The following ARHGAP26 variants were observed in gnomAD, a reference collection of about 807,000 sequenced individuals.
ARHGAP26 encodes Rho GTPase activating protein 26, also known as rho GTPase-activating protein 26.
ARHGAP26 carries 38 observed loss-of-function variants against 104.8 expected under a neutral mutation model. The observed-to-expected ratio is 0.36, with a 90% confidence interval of 0.28 to 0.48. ARHGAP26 has a LOEUF of 0.48. ARHGAP26 is among the 20% of genes least tolerant of loss of function. The pLI is 0.99. For synonymous variants in ARHGAP26, 341 were observed against 340.0 expected (o/e 1.00, Z -0.03); for missense variants, 704 against 947.9 (o/e 0.74, Z 3.38).
At chr5:142,899,036 T>C (rs1304936754) in intron 6 of ARHGAP26, among the ~76,000 whole-genome samples, 1 of 152,228 alleles carries the variant, frequency 6.6e-6, no homozygotes, top group Non-Finnish European at 1.5e-5. Context: ...CTTGTGATCA[T>C]GTTTGGCATT....
intron 1 of ARHGAP26, among the ~76,000 whole-genome samples, chr5:142,856,165 A>T (rs563090941): frequency 2.0e-5 from 3 of 152,256 alleles, no homozygotes; most frequent in Non-Finnish European, 2.9e-5. Context: ...GGAGCTGCCC[A>T]TACTGAGCAA....
intron 12 of ARHGAP26, among the ~76,000 whole-genome samples, chr5:143,030,604 A>AC (rs1451384484): frequency 2.0e-5 from 3 of 152,160 alleles, no homozygotes; most frequent in African/African-American, 7.2e-5. Context: ...ATCATCACAA[A>AC]AAAAATGAGA....
intron 10 of ARHGAP26, among the ~76,000 whole-genome samples, chr5:142,915,120 C>T (rs150359604): frequency 6.6e-6 from 1 of 152,310 alleles, no homozygotes; most frequent in East Asian, 1.9e-4. Flanking sequence ...TTAAAGCTCA[C>T]TGTGGCACCT....
chr5:143,003,241 G>C (rs1204823375), intron 11 of ARHGAP26, among the ~76,000 whole-genome samples: 1 of 152,182 alleles, frequency 6.6e-6, no homozygotes, highest in Non-Finnish European at 1.5e-5. Flanking sequence ...ACATGCTCCA[G>C]GAGGAGCTGT....
At chr5:142,959,887 A>C (rs893089202) in intron 11 of ARHGAP26, among the ~76,000 whole-genome samples, 1 of 152,222 alleles carries the variant, frequency 6.6e-6, no homozygotes. Context: ...CTGGTGGCCA[A>C]ACTTTGGACA....
At chr5:143,160,475 G>GTT (rs11422894) in intron 20 of ARHGAP26, among the ~76,000 whole-genome samples, 34 of 149,756 alleles carry the variant, frequency 2.3e-4, no homozygotes, top group African/African-American at 5.2e-4. Flanking sequence ...GCTTTTGGTG[G>GTT]TTTTTTTTTC....
intron 3 of ARHGAP26, 134 bp downstream of exon 3, chr5:142,875,305 T>C: frequency 2.4e-6 from 2 of 844,408 alleles, no homozygotes; most frequent in Non-Finnish European, 3.8e-6. Flanking sequence ...GCAAGCCTCA[T>C]CTTTGTAGAG....
chr5:142,797,711 G>A (rs528533915), intron 1 of ARHGAP26, among the ~76,000 whole-genome samples: 8 of 152,264 alleles, frequency 5.3e-5, no homozygotes, highest in East Asian at 1.9e-4. Context: ...CAGGTATTTC[G>A]GTTTTGCAGC....
chr5:143,200,606 G>A (rs1479582009), intron 20 of ARHGAP26, among the ~76,000 whole-genome samples: 1 of 150,650 alleles, frequency 6.6e-6, no homozygotes, highest in African/African-American at 2.4e-5. Flanking sequence ...CCAAAAAAAA[G>A]CGAGGAGAAA....
Position 143,193,681 on chromosome 5 carries a change from G to A in ARHGAP26, c.1989-13517G>A, listed in dbSNP as rs538654973. Among the ~76,000 whole-genome samples, 50 of 152,256 alleles carry A rather than the reference G, an allele frequency of 3.3e-4. 1 individual carries two copies. In the Middle Eastern group the frequency reaches 0.017, roughly 52 times the overall value. ...GCTTCCTGTAAGTGAAAAGGTGAAA[G>A]TTACTGACTTAAGGAAGGGAAAATA... is the stretch of plus-strand genomic sequence containing the variant. On this transcript the variant is annotated intron_variant, in intron 20 of 22. Transcript: ENST00000645722.
intron 11 of ARHGAP26, among the ~76,000 whole-genome samples, chr5:142,997,872 A>T (rs1282811736): frequency 6.6e-6 from 1 of 152,172 alleles, no homozygotes; most frequent in Non-Finnish European, 1.5e-5. Context: ...GCATAATATG[A>T]AAATACTTGT....
chr5:143,042,865 G>A (rs1783681248), intron 14 of ARHGAP26, among the ~76,000 whole-genome samples: 1 of 152,200 alleles, frequency 6.6e-6, no homozygotes, highest in African/African-American at 2.4e-5. Context: ...TGTATTGCTA[G>A]TTAGAGTGAG....
Position 143,134,065 on chromosome 5 carries a change from G to T in ARHGAP26, c.1797G>T (p.Arg599Ser). ...CCAAGCCCCCGTCCTGCAGCGAGAG[G>T]CCCCTGACGCTCTTCCACACCGTTC... Reference protein sequence around the residue: ...SDSKPPSCSERPLTLFHTVQS... With the variant: ...SDSKPPSCSESPLTLFHTVQS... The change falls in exon 19 of 23, where the codon AGG becomes AGT. Residue 599 changes from arginine (R) to serine (S), a missense_variant. By Grantham distance (110) the Arg-to-Ser change is moderately radical (BLOSUM62 -1). This residue lies in a region of ARHGAP26 where 217 missense variants were observed against 242.6 expected (regional missense o/e 0.89). Transcript: ENST00000645722. 1 of 1,612,192 alleles carries T rather than the reference G, an allele frequency of 6.2e-7. No individual in the cohort carries two copies. Among genetic ancestry groups the T allele is most frequent in the Non-Finnish European group, 8.5e-7 (1 of 1,179,060 alleles).
intron 1 of ARHGAP26, among the ~76,000 whole-genome samples, chr5:142,863,350 G>T (rs6875031): frequency 0.066 from 10,086 of 152,042 alleles, 874 homozygotes; most frequent in East Asian, 0.26. Context: ...CTCGTGATCC[G>T]CCCACCTCGG....
intron 11 of ARHGAP26, among the ~76,000 whole-genome samples, chr5:142,939,207 T>C (rs1406135584): frequency 6.6e-6 from 1 of 152,208 alleles, no homozygotes; most frequent in Non-Finnish European, 1.5e-5. Flanking sequence ...GTCTCTTAGC[T>C]TCCAGTTCTG....
At position 143,191,706 on chromosome 5, in the gene ARHGAP26, C is replaced by T. The variant is rs116138083; in HGVS notation, c.1989-15492C>T. Among the ~76,000 whole-genome samples, 1,357 of 152,290 alleles carry T rather than the reference C, an allele frequency of 8.9e-3. 24 individuals are homozygous for T. Among genetic ancestry groups the T allele is most frequent in the African/African-American group, 0.031 (1,285 of 41,554 alleles). Reference sequence around the variant, plus strand: ...TCATGACTGAGTTTGGGCGCCACCACCCAGTAGCCAGGAGCAAGAACAATG... The same window carrying T: ...TCATGACTGAGTTTGGGCGCCACCATCCAGTAGCCAGGAGCAAGAACAATG... On this transcript the variant is annotated intron_variant, in intron 20 of 22. Coordinates refer to ENST00000645722, the MANE Select transcript of ARHGAP26 (RefSeq NM_001135608.3).
intron 11 of ARHGAP26, among the ~76,000 whole-genome samples, chr5:142,976,930 C>CTTA (rs1562191089): frequency 1.3e-5 from 2 of 152,190 alleles, no homozygotes. Flanking sequence ...CCCATTTGCA[C>CTTA]GCAAGAGTAC....
chr5:142,954,057 A>G (rs540299554), intron 11 of ARHGAP26, among the ~76,000 whole-genome samples: 41 of 152,372 alleles, frequency 2.7e-4, no homozygotes, highest in African/African-American at 4.8e-4. Flanking sequence ...TGTCTGAGCA[A>G]AGGCGTTTTT....
At chr5:142,878,884 A>G (rs1367380467) in intron 3 of ARHGAP26, among the ~76,000 whole-genome samples, 1 of 152,134 alleles carries the variant, frequency 6.6e-6, no homozygotes, top group Non-Finnish European at 1.5e-5. Flanking sequence ...TCCTGGCTCT[A>G]GTCCAGTCCT....
Sources: allele counts gnomAD v4.1 joint callset (sites outside exome capture counted in the v4.1 genomes callset), GRCh38; gene constraint gnomAD v4.1.1; regional missense constraint gnomAD v4.1.1; transcripts MANE v1.5; gene names NCBI Gene and HGNC (gene_info 2026-07-23, HGNC 2026-07-21).